Variants in EDA observed in about 807,000 individuals in gnomAD.
EDA encodes the protein ectodysplasin-A.
In EDA, 2 loss-of-function variants were observed where a neutral mutation model predicts 23.6. The observed-to-expected ratio is 0.08, with a 90% confidence interval of 0.03 to 0.27. The LOEUF is 0.27. Among genes scored for constraint, EDA ranks in the 10% least tolerant of loss-of-function variants. The probability of loss-of-function intolerance (pLI) is 1.00; values close to 1 mark genes in which losing one functional copy is unlikely to be tolerated. For synonymous variants in EDA, 131 were observed against 132.0 expected, an observed-to-expected ratio of 0.99 and a Z score of 0.05; for missense variants, 229 against 324.2, an observed-to-expected ratio of 0.71 and a Z score of 2.26.
At chrX:70,021,177 A>G (rs1162247012) in intron 2 of EDA, among the ~76,000 whole-genome samples, 1 of 111,985 alleles carries the variant, frequency 8.9e-6, no homozygotes, top group Admixed American at 9.5e-5. Flanking sequence ...ATTCAACTGT[A>G]AGTTCTTGAA....
chrX:69,731,517 C>T (rs760690470), intron 1 of EDA, among the ~76,000 whole-genome samples: 129 of 109,990 alleles, frequency 1.2e-3, no homozygotes, highest in African/African-American at 4.1e-3. Context: ...TCTCGGCTCA[C>T]TGCAACCTCC....
At chrX:69,966,978 A>T (rs1039444498) in intron 2 of EDA, among the ~76,000 whole-genome samples, 1 of 109,495 alleles carries the variant, frequency 9.1e-6, no homozygotes, top group Non-Finnish European at 1.9e-5. Context: ...GTGTGTGTAT[A>T]TATATATATA....
intron 1 of EDA, among the ~76,000 whole-genome samples, chrX:69,910,374 A>T (rs1425579819): frequency 0.079 from 3,276 of 41,625 alleles, 167 homozygotes; most frequent in African/African-American, 0.13. Flanking sequence ...AGAGAGAGAG[A>T]GTGTGTGTGT....
intron 1 of EDA, among the ~76,000 whole-genome samples, chrX:69,739,113 G>C (rs1794787194): frequency 9.0e-6 from 1 of 111,312 alleles, no homozygotes; most frequent in African/African-American, 3.3e-5. Context: ...TTACTGTTGA[G>C]TTGTCTGTTT....
At chrX:69,956,271 TTTTCTTTCTTTC>T (rs533655797) in intron 1 of EDA, among the ~76,000 whole-genome samples, 98 of 81,225 alleles carry the variant, frequency 1.2e-3, no homozygotes, top group Admixed American at 3.2e-3. Flanking sequence ...AAATTCAAGG[TTTTCTTTCTTTC>T]TTTCTTTCTT....
chrX:69,673,347 G>A (rs1933968448), intron 1 of EDA, among the ~76,000 whole-genome samples: 1 of 111,546 alleles, frequency 9.0e-6, no homozygotes, highest in Non-Finnish European at 1.9e-5. Flanking sequence ...GTTTGTGATC[G>A]AGAATTTCAT....
chrX:69,644,627 C>T (rs898866290), intron 1 of EDA, among the ~76,000 whole-genome samples: 3 of 110,648 alleles, frequency 2.7e-5, no homozygotes, highest in African/African-American at 9.9e-5. Flanking sequence ...CCTGATTGCC[C>T]TGGACAGAGC....
At chrX:70,033,615 G>A in intron 7 of EDA, 87 bp downstream of exon 7, 1 of 1,102,811 alleles carries the variant, frequency 9.1e-7, no homozygotes. Context: ...AGCCAGCCAA[G>A]ACCATCCAAT....
intron 1 of EDA, among the ~76,000 whole-genome samples, chrX:69,756,606 A>G (rs1341741380): frequency 8.9e-6 from 1 of 111,877 alleles, no homozygotes; most frequent in African/African-American, 3.3e-5. Context: ...AGGGCCTTTG[A>G]GAATTAAATT....
At chrX:69,742,884 T>G (rs2013503097) in intron 1 of EDA, 1 of 111,516 alleles carries the variant, frequency 9.0e-6, no homozygotes, top group Non-Finnish European at 1.9e-5. Flanking sequence ...ATAAATGATA[T>G]TTTTTATGGC....
chrX:69,815,336 C>G lies in EDA; in HGVS notation c.397-141691C>G, dbSNP rs188399746. 1.7e-4 allele frequency among the ~76,000 whole-genome samples: 19 copies of G among 110,113 alleles called. No homozygotes were observed. In the East Asian group the frequency reaches 5.2e-3, roughly 30 times the overall value. On this transcript the variant is annotated intron_variant, in intron 1 of 7. Coordinates refer to ENST00000374552, the MANE Select transcript of EDA (RefSeq NM_001399.5). ...TAAGCAGGACACTGATCCATTCCTC[C>G]TCGCTGGGTGGGACATCCCTGCAGG...
At chrX:69,984,033 C>T (rs1282864882) in intron 2 of EDA, among the ~76,000 whole-genome samples, 2 of 93,283 alleles carry the variant, frequency 2.1e-5, no homozygotes, top group African/African-American at 4.1e-5. Flanking sequence ...GGGTACATAA[C>T]GAAATGAAGG....
chrX:69,829,775 T>C (rs1422599305), intron 1 of EDA, among the ~76,000 whole-genome samples: 1 of 112,135 alleles, frequency 8.9e-6, no homozygotes, highest in Non-Finnish European at 1.9e-5. Flanking sequence ...CTTACTTCAG[T>C]GCTCACTAGT....
chrX:69,694,415 G>A (rs780394102), intron 1 of EDA, among the ~76,000 whole-genome samples: 33 of 111,917 alleles, frequency 2.9e-4, no homozygotes, highest in Middle Eastern at 4.6e-3. Flanking sequence ...CTTGTTCTGC[G>A]TTTGGGTTAG....
chrX:69,832,469 A>G (rs911700739), intron 1 of EDA, among the ~76,000 whole-genome samples: 34 of 111,709 alleles, frequency 3.0e-4, no homozygotes, highest in African/African-American at 9.1e-4. Flanking sequence ...GTCAGGTAGC[A>G]TGATGCCTCC....
At chrX:69,658,893 T>C (rs1034540250) in intron 1 of EDA, among the ~76,000 whole-genome samples, 2 of 111,529 alleles carry the variant, frequency 1.8e-5, no homozygotes, top group Admixed American at 1.9e-4. Context: ...CATTTTCACT[T>C]ACAGGAACAT....
chrX:69,992,262 T>C (rs1481593650), intron 2 of EDA, among the ~76,000 whole-genome samples: 2 of 111,911 alleles, frequency 1.8e-5, no homozygotes, highest in African/African-American at 6.5e-5. Flanking sequence ...CTTTTCCACT[T>C]TTCAAAGCTT....
intron 2 of EDA, among the ~76,000 whole-genome samples, chrX:69,982,343 A>G (rs2019421828): frequency 9.0e-6 from 1 of 111,379 alleles, no homozygotes; most frequent in African/African-American, 3.3e-5. Flanking sequence ...TCCCCCCAAG[A>G]AACACAAAGG....
chrX:69,705,801 G>A (rs766221264), intron 1 of EDA, among the ~76,000 whole-genome samples: 28 of 111,457 alleles, frequency 2.5e-4, no homozygotes, highest in Non-Finnish European at 5.1e-4. Flanking sequence ...AATTTTCTAC[G>A]CCAAATTTGC....
Sources: allele counts gnomAD v4.1 joint callset (sites outside exome capture counted in the v4.1 genomes callset), GRCh38; gene constraint gnomAD v4.1.1; transcripts MANE v1.5; gene names NCBI Gene and HGNC (gene_info 2026-07-23, HGNC 2026-07-21).